Variants in SIPA1L2 observed in about 807,000 individuals in gnomAD.
SIPA1L2 encodes the protein signal-induced proliferation-associated 1-like protein 2.
In SIPA1L2, 56 loss-of-function variants were observed where a neutral mutation model predicts 163.9. The observed-to-expected ratio is 0.34, with a 90% CI of 0.28 to 0.43. The LOEUF is 0.43. Among genes scored for constraint, SIPA1L2 ranks in the 20% least tolerant of loss-of-function variants. The pLI is 1.00. For missense variants in SIPA1L2, 1,974 were observed against 2,193.5 expected (o/e 0.90, Z 2.00); for synonymous variants, 877 against 865.7 (o/e 1.01, Z -0.23).
chr1:232,443,174 G>A (rs141672650), intron 12 of SIPA1L2, among the ~76,000 whole-genome samples: 7 of 152,284 alleles, frequency 4.6e-5, no homozygotes, highest in African/African-American at 7.2e-5. Flanking sequence ...TGGCTACTGC[G>A]GACTGGACTG....
chr1:232,486,062 C>T (rs111533692), intron 5 of SIPA1L2, among the ~76,000 whole-genome samples: 1 of 152,178 alleles, frequency 6.6e-6, no homozygotes, highest in Non-Finnish European at 1.5e-5. Context: ...GTCTCCATTG[C>T]CCCAGCACGC....
chr1:232,462,199 T>C (rs1664274362), intron 9 of SIPA1L2: 3 of 1,549,192 alleles, frequency 1.9e-6, no homozygotes, highest in African/African-American at 1.4e-5. Flanking sequence ...TCACCGAGCA[T>C]AGTTTACATC....
chr1:232,439,085 C>T, intron 15 of SIPA1L2, 23 bp downstream of exon 15: 1 of 1,574,192 alleles, frequency 6.4e-7, no homozygotes, highest in Non-Finnish European at 8.6e-7. Context: ...GCAGGTACTA[C>T]TCTGCAGTGC....
chr1:232,615,504 C>T (rs1298314344), intron 1 of SIPA1L2, among the ~76,000 whole-genome samples: 2 of 152,166 alleles, frequency 1.3e-5, no homozygotes, highest in African/African-American at 4.8e-5. Flanking sequence ...ACAGGAAAGC[C>T]AGAGGGCCCT....
intron 5 of SIPA1L2, among the ~76,000 whole-genome samples, chr1:232,485,035 T>A (rs1374219080): frequency 6.6e-6 from 1 of 152,222 alleles, no homozygotes; most frequent in Non-Finnish European, 1.5e-5. Flanking sequence ...GACAACATAC[T>A]ATGCAAGAAA....
chr1:232,571,038 AG>A (rs1453984173), intron 2 of SIPA1L2, among the ~76,000 whole-genome samples: 1 of 151,872 alleles, frequency 6.6e-6, no homozygotes, highest in African/African-American at 2.4e-5. Context: ...CTATTGCAAA[AG>A]GTATCTCCAG....
In SIPA1L2 at chr1:232,572,752, T is replaced by TACACAC. The variant is rs1170472489; in HGVS notation, c.-270+1421_-270+1422insGTGTGT. 1.5e-4 allele frequency among the ~76,000 whole-genome samples: 17 copies of TACACAC among 113,352 alleles called. No individual in the cohort carries two copies. The East Asian group carries it at 1.7e-3, about 12-fold the overall frequency. 74.4% of individuals were successfully genotyped at this position (113,352 alleles called of 152,430 possible). ...ATACATACATACATATATATATATA[T>TACACAC]ATATATATATATATATATATATATA... On this transcript the variant is annotated intron_variant, in intron 2 of 22. Coordinates refer to ENST00000674635, the MANE Select transcript of SIPA1L2 (RefSeq NM_020808.5).
At chr1:232,529,419 C>T (rs6656109) in intron 2 of SIPA1L2, among the ~76,000 whole-genome samples, 100,612 of 152,136 alleles carry the variant, frequency 0.66, 35,414 homozygotes, top group Non-Finnish European at 0.8. Context: ...ATGCCACTTA[C>T]GTACCTATCG....
chr1:232,602,492 A>G (rs190535115), intron 1 of SIPA1L2, among the ~76,000 whole-genome samples: 13 of 152,178 alleles, frequency 8.5e-5, no homozygotes, highest in Non-Finnish European at 1.6e-4. Flanking sequence ...CACCATGCCC[A>G]GCAGATTTTT....
intron 10 of SIPA1L2, among the ~76,000 whole-genome samples, chr1:232,447,298 CCCTGTAGAGGAA>C (rs1336299238): frequency 6.6e-6 from 1 of 152,102 alleles, no homozygotes; most frequent in Non-Finnish European, 1.5e-5. Flanking sequence ...TTGGACAGCC[CCCTGTAGAGGAA>C]CCTGGCCTGC....
chr1:232,551,603 A>G (rs987808887), intron 2 of SIPA1L2, among the ~76,000 whole-genome samples: 3 of 152,212 alleles, frequency 2.0e-5, no homozygotes, highest in Admixed American at 2.0e-4. Flanking sequence ...GGGAGGTGAG[A>G]AGAAGGCCTG....
intron 1 of SIPA1L2, among the ~76,000 whole-genome samples, chr1:232,626,398 G>T (rs1478763272): frequency 6.6e-6 from 1 of 151,946 alleles, no homozygotes; most frequent in Non-Finnish European, 1.5e-5. Flanking sequence ...TCTAGTACTG[G>T]GGGAGAAGAA....
chr1:232,616,728 G>C (rs1662519510), intron 1 of SIPA1L2, among the ~76,000 whole-genome samples: 1 of 152,176 alleles, frequency 6.6e-6, no homozygotes, highest in African/African-American at 2.4e-5. Context: ...CAGCCCTAAG[G>C]AAAAGTCTTC....
intron 2 of SIPA1L2, among the ~76,000 whole-genome samples, chr1:232,518,073 T>C (rs1667293110): frequency 6.6e-6 from 1 of 152,126 alleles, no homozygotes; most frequent in Non-Finnish European, 1.5e-5. Flanking sequence ...ATATAAATAA[T>C]ATACGAAATT....
At chr1:232,544,955 G>A (rs1353166069) in intron 2 of SIPA1L2, among the ~76,000 whole-genome samples, 2 of 152,122 alleles carry the variant, frequency 1.3e-5, no homozygotes, top group Non-Finnish European at 2.9e-5. Flanking sequence ...GGCGTTAACA[G>A]GAATTATACA....
At chr1:232,419,928 G>C (rs1378052806) in intron 18 of SIPA1L2, among the ~76,000 whole-genome samples, 1 of 152,164 alleles carries the variant, frequency 6.6e-6, no homozygotes, top group Non-Finnish European at 1.5e-5. Flanking sequence ...AACCTAGGGA[G>C]AGAATAACTA....
rs1423197096 is a variant in SIPA1L2, at chr1:232,397,995, T to C, written c.*1132A>G. On this transcript the variant is annotated 3_prime_UTR_variant, in exon 23 of 23. Transcript: ENST00000674635. The stretch of plus-strand genomic sequence containing the variant: ...TATGTGGACTTCTTTTAAACATTTA[T>C]TAAAAAAGCAAAATGTATGTTCATC... 1.3e-5 allele frequency: 2 copies of C among 152,636 alleles called. No homozygotes were observed. Among genetic ancestry groups the C allele is most frequent in the Non-Finnish European group, 2.9e-5 (2 of 68,056 alleles). 9.5% of individuals were successfully genotyped at this position (152,636 alleles called of 1,614,324 possible).
At position 232,612,087 on chromosome 1, in the gene SIPA1L2, C is replaced by CA. The variant is rs529973235; in HGVS notation, c.-319+17781_-319+17782insT. On this transcript the variant is annotated intron_variant, in intron 1 of 22. Transcript: ENST00000674635. ...GGCTTCGGAGGGGACAAGCCTCAAG[C>CA]CTTGGCAGCTTCCACATGGTGTCGA... Among the ~76,000 whole-genome samples, 207 of 152,320 alleles carry CA rather than the reference C, an allele frequency of 1.4e-3. 1 individual carries two copies. Among genetic ancestry groups the CA allele is most frequent in the African/African-American group, 4.8e-3 (200 of 41,574 alleles).
intron 11 of SIPA1L2, among the ~76,000 whole-genome samples, chr1:232,444,161 CTT>C (rs1293752695): frequency 1.3e-5 from 2 of 152,182 alleles, no homozygotes; most frequent in Admixed American, 1.3e-4. Flanking sequence ...CCTATTTTAT[CTT>C]TTTTTCAGAC....
Sources: allele counts gnomAD v4.1 joint callset (sites outside exome capture counted in the v4.1 genomes callset), GRCh38; gene constraint gnomAD v4.1.1; transcripts MANE v1.5; gene names NCBI Gene and HGNC (gene_info 2026-07-23, HGNC 2026-07-21).